ITGA2: variants seen among roughly 807,000 people sequenced by gnomAD.
The protein encoded by ITGA2 is integrin subunit alpha 2.
Under a neutral mutation model 146.3 loss-of-function variants are expected in ITGA2, and 101 were observed. That is an observed-to-expected ratio of 0.69 (90% CI 0.59 to 0.81). The LOEUF (loss-of-function observed/expected upper bound fraction) is 0.81. Among genes scored for constraint, ITGA2 ranks in the 40% least tolerant of loss-of-function variants. The probability of loss-of-function intolerance (pLI) is 0.00; values close to 1 mark genes in which losing one functional copy is unlikely to be tolerated. For synonymous variants in ITGA2, 477 were observed against 487.1 expected, an observed-to-expected ratio of 0.98 and a Z score of 0.27; for missense variants, 1,281 against 1,402.7, an observed-to-expected ratio of 0.91 and a Z score of 1.39.
rs200805184 is a variant in ITGA2 at position 53,062,849 on chromosome 5, G to A, written c.1522G>A (p.Val508Met). ...VDVDKDTITD[V>M]LLVGAPMYMS... ...TGTGGATAAAGACACCATTACAGACGTGCTCTTGGTAGGTGCACCAATGTA... is the reference window on the plus strand; with the variant it reads ...TGTGGATAAAGACACCATTACAGACATGCTCTTGGTAGGTGCACCAATGTA... The change falls in exon 13 of 30, where the codon GTG (valine) becomes ATG (methionine). Residue 508 changes from valine to methionine, a missense_variant. By Grantham distance (21) the Val-to-Met change is conservative. Transcript: ENST00000296585. The A allele has an allele frequency of 6.2e-6, 10 of 1,611,430 alleles. No homozygotes were observed. The highest frequency in any genetic ancestry group is 4.5e-5 in the East Asian group (2 of 44,758).
Position 52,993,241 on chromosome 5 carries a change from G to A in ITGA2, c.64+3709G>A, listed in dbSNP as rs147783095. Among the ~76,000 whole-genome samples, 15 of 152,206 alleles carry A rather than the reference G, an allele frequency of 9.9e-5. No homozygotes were observed. The East Asian group carries it at 1.2e-3, about 12-fold the overall frequency. ...TCAGCCCCTTAATGGGACTTAGGCC[G>A]CCCTCTGATAAAGTAACTTTGCTCC... On this transcript the variant is annotated intron_variant, in intron 1 of 29. Transcript: ENST00000296585.
chr5:53,040,397 A>G (rs1210474690), intron 2 of ITGA2, among the ~76,000 whole-genome samples: 8 of 152,186 alleles, frequency 5.3e-5, no homozygotes, highest in Non-Finnish European at 8.8e-5. Flanking sequence ...TACCGACTCT[A>G]TAAGATTCCT....
At chr5:53,001,311 G>C (rs1430960269) in intron 1 of ITGA2, among the ~76,000 whole-genome samples, 2 of 152,192 alleles carry the variant, frequency 1.3e-5, no homozygotes, top group African/African-American at 2.4e-5. Flanking sequence ...AATTGAAGCA[G>C]TGCCCTGGAG....
Position 53,004,083 on chromosome 5 carries a change from T to G in ITGA2, c.64+14551T>G, listed in dbSNP as rs370403254. Among the ~76,000 whole-genome samples the G allele has an allele frequency of 1.2e-3, 176 of 152,228 alleles. 2 individuals carry two copies. The South Asian group carries it at 0.027, about 24-fold the overall frequency. On this transcript the variant is annotated intron_variant, in intron 1 of 29. Transcript: ENST00000296585. ...AGGATATTGATCATCAGCCCTGTCC[T>G]CCACCCACTAGATGTTAATAGCAAT... is the stretch of plus-strand genomic sequence containing the variant.
At chr5:53,025,359 A>T (rs1033595470) in intron 1 of ITGA2, among the ~76,000 whole-genome samples, 1 of 152,210 alleles carries the variant, frequency 6.6e-6, no homozygotes, top group African/African-American at 2.4e-5. Context: ...GAAAATTTGC[A>T]GATGTTAAGC....
chr5:53,077,375 T>C (rs531237268), intron 23 of ITGA2, among the ~76,000 whole-genome samples: 15 of 151,188 alleles, frequency 9.9e-5, no homozygotes, highest in African/African-American at 3.1e-4. Flanking sequence ...ACTGTACAGT[T>C]ATATTGTAAA....
intron 23 of ITGA2, 107 bp downstream of exon 23, chr5:53,075,411 A>G (rs1745617277): frequency 1.2e-6 from 1 of 864,046 alleles, no homozygotes; most frequent in Admixed American, 2.0e-5. Flanking sequence ...TTAACTGAAG[A>G]ATTTGAATTA....
chr5:53,002,946 A>G (rs1185746517), intron 1 of ITGA2, among the ~76,000 whole-genome samples: 1 of 152,182 alleles, frequency 6.6e-6, no homozygotes, highest in African/African-American at 2.4e-5. Flanking sequence ...CTTTTGAAAA[A>G]AAATATTTTT....
chr5:53,031,858 G>A lies in ITGA2; in HGVS notation c.185+4990G>A, dbSNP rs969691366. 2.0e-5 allele frequency among the ~76,000 whole-genome samples: 3 copies of A among 152,238 alleles called. No individual in the cohort carries two copies. The South Asian group carries it at 6.2e-4, about 31-fold the overall frequency. On this transcript the variant is annotated intron_variant, in intron 2 of 29. Transcript: ENST00000296585. ...CACTTCACACACAGGATGTTCCAAT[G>A]TGGATGATGCAATTCTTATCACAAA...
chr5:53,074,853 C>T (rs549831427), intron 21 of ITGA2, among the ~76,000 whole-genome samples: 17 of 152,052 alleles, frequency 1.1e-4, no homozygotes, highest in African/African-American at 3.9e-4. Context: ...ACATGTGTCA[C>T]TTGGAAGTCA....
Position 53,090,789 on chromosome 5 carries a change from GC to G in ITGA2, c.*191del. On this transcript the variant is annotated 3_prime_UTR_variant, in exon 30 of 30. Transcript: ENST00000296585. ...GTGGGGGGTGGGGGAGGTGCGGGGG[GC>G]AGGTAGGGAAATAATAGGGAAAATA... 1 of 378,944 alleles carries G rather than the reference GC, an allele frequency of 2.6e-6. No homozygotes were observed. Among genetic ancestry groups the G allele is most frequent in the South Asian group, 3.1e-5 (1 of 31,812 alleles). 23.5% of individuals were successfully genotyped at this position (378,944 alleles called of 1,614,324 possible). A position where few individuals can be genotyped will look rare whatever the true frequency, so the allele number is the denominator to read the frequency against.
chr5:52,989,398 C>T lies in ITGA2; in HGVS notation c.-71C>T, dbSNP rs1740795404. 6.7e-7 allele frequency: 1 copy of T among 1,502,268 alleles called. No homozygotes were observed. 93.1% of individuals were successfully genotyped at this position (1,502,268 alleles called of 1,614,324 possible). A position where few individuals can be genotyped will look rare whatever the true frequency, so the allele number is the denominator to read the frequency against. On this transcript the variant is annotated 5_prime_UTR_variant, in exon 1 of 30. Transcript: ENST00000296585. ...TCTAGAGTGTGCAGGTTCTCGTATCCCTCGGCCAAGGGTATCCTCTGCAAA... is the reference window on the plus strand; with the variant it reads ...TCTAGAGTGTGCAGGTTCTCGTATCTCTCGGCCAAGGGTATCCTCTGCAAA...
chr5:53,028,507 A>C (rs1743059917), intron 2 of ITGA2, among the ~76,000 whole-genome samples: 1 of 152,224 alleles, frequency 6.6e-6, no homozygotes, highest in Non-Finnish European at 1.5e-5. Context: ...GATAATCATA[A>C]AGTGGTGAGG....
intron 1 of ITGA2, among the ~76,000 whole-genome samples, chr5:53,006,678 C>A (rs1463469083): frequency 6.6e-6 from 1 of 152,078 alleles, no homozygotes; most frequent in African/African-American, 2.4e-5. Flanking sequence ...TAGACACAGC[C>A]CCTCTCTGTT....
intron 2 of ITGA2, among the ~76,000 whole-genome samples, chr5:53,028,599 A>T (rs1357294514): frequency 6.6e-6 from 1 of 152,168 alleles, no homozygotes; most frequent in Non-Finnish European, 1.5e-5. Context: ...AGTTTTAAAT[A>T]TTCAGCCCTA....
In ITGA2 at chr5:53,070,223, A is replaced by G. The variant is rs1478010686; in HGVS notation, c.2198A>G (p.Gln733Arg). 2 of 1,612,034 alleles carry G rather than the reference A, an allele frequency of 1.2e-6. No individual in the cohort carries two copies. The highest frequency in any genetic ancestry group is 8.5e-7 in the Non-Finnish European group (1 of 1,178,674). Reference sequence around the variant, plus strand: ...CTGCAGAAGAATATGGTAGTAAATCAAGCACAGAGTTGCCCCGAGCACATC... The same window carrying G: ...CTGCAGAAGAATATGGTAGTAAATCGAGCACAGAGTTGCCCCGAGCACATC... The part of the protein sequence containing the change: ...RCLQKNMVVN[Q>R]AQSCPEHIIY... Residue 733 changes from glutamine (Q) to arginine (R), a missense_variant, in exon 17 of 30, where the codon CAA becomes CGA. Gln to Arg is a conservative substitution (Grantham distance 43). Transcript: ENST00000296585.
chr5:53,086,451 C>T (rs190959281), intron 27 of ITGA2, among the ~76,000 whole-genome samples: 48 of 152,282 alleles, frequency 3.2e-4, no homozygotes, highest in African/African-American at 1.1e-3. Flanking sequence ...TCATTTTACA[C>T]ACATGTACCC....
rs3212565 is a variant in ITGA2 at position 53,070,093 on chromosome 5, AT to A, written c.2084-8del. On this transcript the variant is annotated splice_polypyrimidine_tract_variant and intron_variant, in intron 16 of 29. Coordinates refer to ENST00000296585, the MANE Select transcript of ITGA2 (RefSeq NM_002203.4). Reference sequence around the variant, plus strand: ...TGATTTGAAATAACATTTCTTTATGATTTTTTTTATCATAGCCATTGTATAT... The same window carrying A: ...TGATTTGAAATAACATTTCTTTATGATTTTTTTATCATAGCCATTGTATAT... 36 of 1,597,576 alleles carry A rather than the reference AT, an allele frequency of 2.3e-5. No homozygotes were observed. The African/African-American group carries it at 2.3e-4, about 10-fold the overall frequency.
At chr5:53,068,116 A>T (rs1016966577) in intron 16 of ITGA2, among the ~76,000 whole-genome samples, 5 of 151,968 alleles carry the variant, frequency 3.3e-5, no homozygotes, top group Non-Finnish European at 7.4e-5. Flanking sequence ...CAATTAAGTG[A>T]CAAACATATT....
Sources: gnomAD v4.1 joint callset for allele counts (sites outside exome capture counted in the v4.1 genomes callset) on GRCh38, gnomAD v4.1.1 for gene constraint, MANE v1.5 for transcripts, NCBI Gene and HGNC (gene_info 2026-07-23, HGNC 2026-07-21) for gene names.